Variants in FBXL17 observed in about 807,000 individuals in gnomAD.
The protein encoded by FBXL17 is F-box/LRR-repeat protein 17.
A neutral mutation model predicts 66.2 loss-of-function variants in FBXL17; 22 were observed. The observed-to-expected ratio is 0.33, with a 90% confidence interval of 0.24 to 0.47. The LOEUF (loss-of-function observed/expected upper bound fraction) is 0.47, where lower values mean the gene tolerates loss of function less well. Ranked by LOEUF, FBXL17 falls within the 20% of genes least tolerant of loss-of-function variation. FBXL17 has a pLI of 1.00. For missense variants in FBXL17, 878 were observed against 948.2 expected (o/e 0.93, Z 0.97); for synonymous variants, 474 against 400.5 (o/e 1.18, Z -2.19).
At chr5:107,952,111 TAAA>T (rs11322719) in intron 7 of FBXL17, among the ~76,000 whole-genome samples, 4 of 151,576 alleles carry the variant, frequency 2.6e-5, no homozygotes, top group Non-Finnish European at 4.4e-5. Flanking sequence ...ACACAAGCAT[TAAA>T]AAAAAAACTC....
intron 4 of FBXL17, among the ~76,000 whole-genome samples, chr5:108,246,026 G>A (rs1756080284): frequency 6.6e-6 from 1 of 152,138 alleles, no homozygotes; most frequent in African/African-American, 2.4e-5. Flanking sequence ...GCCTCACAAT[G>A]TCTGTCTCTC....
At chr5:107,893,932 G>C (rs1749287837) in intron 7 of FBXL17, among the ~76,000 whole-genome samples, 2 of 152,260 alleles carry the variant, frequency 1.3e-5, no homozygotes, top group South Asian at 4.1e-4. Flanking sequence ...TGGCTGTAGC[G>C]ATATAGTTCT....
chr5:108,370,034 A>G (rs778874575), intron 1 of FBXL17, among the ~76,000 whole-genome samples: 1 of 152,106 alleles, frequency 6.6e-6, no homozygotes, highest in Non-Finnish European at 1.5e-5. Context: ...GCACATGTAC[A>G]CTCACTCATA....
intron 7 of FBXL17, among the ~76,000 whole-genome samples, chr5:108,005,004 T>C (rs963115941): frequency 1.3e-5 from 2 of 152,124 alleles, no homozygotes; most frequent in Non-Finnish European, 2.9e-5. Flanking sequence ...CCAAGAACAC[T>C]CTACGCTGGT....
At chr5:108,067,291 A>G (rs563509828) in intron 6 of FBXL17, among the ~76,000 whole-genome samples, 15 of 152,296 alleles carry the variant, frequency 9.8e-5, no homozygotes, top group Non-Finnish European at 1.6e-4. Flanking sequence ...TGTTGTTGTT[A>G]TATGTATACT....
At chr5:108,009,274 T>TAG (rs1754072358) in intron 7 of FBXL17, among the ~76,000 whole-genome samples, 3 of 45,784 alleles carry the variant, frequency 6.6e-5, no homozygotes, top group South Asian at 1.1e-3. Flanking sequence ...TATATATATA[T>TAG]ATATATATAT....
At chr5:108,276,751 G>A (rs1173231851) in intron 4 of FBXL17, among the ~76,000 whole-genome samples, 3 of 152,122 alleles carry the variant, frequency 2.0e-5, no homozygotes, top group Non-Finnish European at 4.4e-5. Context: ...TGACTGAGAT[G>A]TCATTTGAAG....
chr5:108,216,593 G>A lies in FBXL17; in HGVS notation c.1614+7528C>T, dbSNP rs377191154. On this transcript the variant is annotated intron_variant, in intron 5 of 8. Transcript: ENST00000542267. ...TGTACAGCATGATGTTTTGATATAA[G>A]TATACATTGTGGAGTGGCCAGATCA... 1.3e-4 allele frequency among the ~76,000 whole-genome samples: 20 copies of A among 151,946 alleles called. No homozygotes were observed. The East Asian group carries it at 1.7e-3, about 13-fold the overall frequency.
At position 108,138,155 on chromosome 5, in the gene FBXL17, A is replaced by G. The variant is rs114286905; in HGVS notation, c.1745+47962T>C. Among the ~76,000 whole-genome samples the G allele has an allele frequency of 9.0e-3, 1,365 of 152,300 alleles. 21 individuals are homozygous for G. The highest frequency in any genetic ancestry group is 0.032 in the African/African-American group (1,315 of 41,562). On this transcript the variant is annotated intron_variant, in intron 6 of 8. Transcript: ENST00000542267. ...ATTTGTCTAAAGTTATTTTTAAAAC[A>G]TACCCTAGCTAATTGGAGATATCTT...
intron 7 of FBXL17, among the ~76,000 whole-genome samples, chr5:107,927,268 A>G (rs1323105256): frequency 6.6e-6 from 1 of 152,190 alleles, no homozygotes; most frequent in Non-Finnish European, 1.5e-5. Context: ...ACTACATTAT[A>G]TAATAGCAAT....
At chr5:108,119,774 T>C (rs756892057) in intron 6 of FBXL17, among the ~76,000 whole-genome samples, 4 of 152,204 alleles carry the variant, frequency 2.6e-5, no homozygotes, top group Non-Finnish European at 5.9e-5. Context: ...ATTATAACAA[T>C]AGCAATTCCT....
intron 6 of FBXL17, among the ~76,000 whole-genome samples, chr5:108,185,172 A>G (rs1489021935): frequency 3.9e-5 from 6 of 152,174 alleles, no homozygotes; most frequent in Non-Finnish European, 8.8e-5. Flanking sequence ...TTCTGAAACA[A>G]ATTACATATA....
intron 5 of FBXL17, among the ~76,000 whole-genome samples, chr5:108,187,219 T>C (rs1377427656): frequency 6.6e-6 from 1 of 152,216 alleles, no homozygotes; most frequent in Non-Finnish European, 1.5e-5. Flanking sequence ...ATAAAGGTGG[T>C]AGGATCTTAA....
At chr5:108,017,598 C>T (rs1643454549) in intron 7 of FBXL17, among the ~76,000 whole-genome samples, 1 of 152,174 alleles carries the variant, frequency 6.6e-6, no homozygotes, top group Non-Finnish European at 1.5e-5. Context: ...AGTTAAGTAA[C>T]TTGCTTTAGG....
chr5:108,296,641 C>T (rs963274023), intron 4 of FBXL17, among the ~76,000 whole-genome samples: 6 of 151,676 alleles, frequency 4.0e-5, no homozygotes, highest in African/African-American at 1.2e-4. Context: ...CCTTCTATAT[C>T]TAGTCTTAAA....
intron 4 of FBXL17, among the ~76,000 whole-genome samples, chr5:108,275,187 G>A (rs1356161582): frequency 6.6e-6 from 1 of 152,202 alleles, no homozygotes; most frequent in African/African-American, 2.4e-5. Context: ...TAAAGTAGAG[G>A]ATAAGGACAC....
chr5:107,910,386 C>A (rs1266704384), intron 7 of FBXL17, among the ~76,000 whole-genome samples: 1 of 151,918 alleles, frequency 6.6e-6, no homozygotes, highest in Non-Finnish European at 1.5e-5. Context: ...TTCAAAACGA[C>A]AAAATGAGAA....
At chr5:108,298,368 T>A (rs1561514207) in intron 4 of FBXL17, 8 of 980,930 alleles carry the variant, frequency 8.2e-6, no homozygotes, top group Non-Finnish European at 9.7e-6. Context: ...TAGAGAAAGT[T>A]ATTTCTTTCT....
intron 6 of FBXL17, among the ~76,000 whole-genome samples, chr5:108,141,506 T>C (rs1181977971): frequency 1.3e-5 from 2 of 152,242 alleles, no homozygotes; most frequent in Non-Finnish European, 2.9e-5. Flanking sequence ...CCTAAGCCAT[T>C]GTAGGACCTA....
Sources: allele counts gnomAD v4.1 joint callset (sites outside exome capture counted in the v4.1 genomes callset), GRCh38; gene constraint gnomAD v4.1.1; transcripts MANE v1.5; gene names NCBI Gene and HGNC (gene_info 2026-07-23, HGNC 2026-07-21).